SEMA6D: variants seen among roughly 807,000 people sequenced by gnomAD.
The protein encoded by SEMA6D is semaphorin-6D.
SEMA6D carries 35 observed loss-of-function variants against 106.6 expected under a neutral mutation model. The ratio of observed to expected loss-of-function variants is 0.33; its 90% CI spans 0.25 to 0.44. The LOEUF is 0.44. SEMA6D is among the 20% of genes least tolerant of loss of function. The pLI, the probability that SEMA6D is intolerant of heterozygous loss-of-function variation, is 1.00. For synonymous variants in SEMA6D, 499 were observed against 487.7 expected, an observed-to-expected ratio of 1.02 and a Z score of -0.31; for missense variants, 1,185 against 1,345.9, an observed-to-expected ratio of 0.88 and a Z score of 1.87.
intron 1 of SEMA6D, among the ~76,000 whole-genome samples, chr15:47,726,384 C>A (rs2079753699): frequency 6.6e-6 from 1 of 152,224 alleles, no homozygotes; most frequent in South Asian, 2.1e-4. Context: ...GATCAGCATT[C>A]TTTGACGTGA....
intron 1 of SEMA6D, among the ~76,000 whole-genome samples, chr15:47,348,198 T>C (rs926492342): frequency 6.6e-6 from 1 of 152,194 alleles, no homozygotes; most frequent in Non-Finnish European, 1.5e-5. Context: ...CAAATACTGA[T>C]TGTGCTTCAT....
chr15:47,513,129 A>G (rs1285337371), intron 3 of SEMA6D, among the ~76,000 whole-genome samples: 1 of 152,122 alleles, frequency 6.6e-6, no homozygotes, highest in Non-Finnish European at 1.5e-5. Flanking sequence ...TGGGGAAATT[A>G]TGGGGCACAC....
At chr15:47,410,772 T>C (rs1261934325) in intron 1 of SEMA6D, among the ~76,000 whole-genome samples, 2 of 152,138 alleles carry the variant, frequency 1.3e-5, no homozygotes, top group Non-Finnish European at 2.9e-5. Context: ...CCAAAACCTC[T>C]TATGCACACT....
intron 4 of SEMA6D, among the ~76,000 whole-genome samples, chr15:47,667,552 A>G (rs973983669): frequency 1.6e-4 from 24 of 152,348 alleles, no homozygotes; most frequent in African/African-American, 5.5e-4. Context: ...ACAAAATACC[A>G]TGAACTGAGT....
intron 1 of SEMA6D, among the ~76,000 whole-genome samples, chr15:47,410,707 T>C (rs2040764071): frequency 6.6e-6 from 1 of 152,164 alleles, no homozygotes; most frequent in Non-Finnish European, 1.5e-5. Context: ...CCCAGACCTA[T>C]TGATTCAGAA....
At chr15:47,256,373 C>G (rs1385597375) in intron 1 of SEMA6D, among the ~76,000 whole-genome samples, 1 of 152,140 alleles carries the variant, frequency 6.6e-6, no homozygotes, top group Non-Finnish European at 1.5e-5. Flanking sequence ...TGTTCTCTTT[C>G]TTTCATTATC....
chr15:47,570,315 A>G (rs1379434369), intron 3 of SEMA6D, among the ~76,000 whole-genome samples: 1 of 152,126 alleles, frequency 6.6e-6, no homozygotes, highest in Non-Finnish European at 1.5e-5. Flanking sequence ...CACTGCATGT[A>G]GGTGGCCCGC....
At chr15:47,343,873 A>G (rs1195472452) in intron 1 of SEMA6D, among the ~76,000 whole-genome samples, 3 of 152,188 alleles carry the variant, frequency 2.0e-5, no homozygotes, top group Non-Finnish European at 4.4e-5. Context: ...ATCTACAATG[A>G]ACTCAAACAA....
At chr15:47,526,043 G>T (rs2044745154) in intron 3 of SEMA6D, among the ~76,000 whole-genome samples, 1 of 152,180 alleles carries the variant, frequency 6.6e-6, no homozygotes, top group African/African-American at 2.4e-5. Flanking sequence ...ATTTTAGGAA[G>T]TGTAAAAAAG....
chr15:47,721,724 A>G (rs1313364866), intron 1 of SEMA6D, among the ~76,000 whole-genome samples: 1 of 152,208 alleles, frequency 6.6e-6, no homozygotes, highest in Non-Finnish European at 1.5e-5. Context: ...AGGGCGATCA[A>G]ATCAGTGGTC....
At chr15:47,213,945 G>A (rs2030311739) in intron 1 of SEMA6D, among the ~76,000 whole-genome samples, 2 of 151,748 alleles carry the variant, frequency 1.3e-5, no homozygotes, top group South Asian at 2.1e-4. Flanking sequence ...CTTCATTTAC[G>A]TTTTGGTATG....
At chr15:47,477,104 TA>T (rs544246309) in intron 3 of SEMA6D, among the ~76,000 whole-genome samples, 1 of 152,320 alleles carries the variant, frequency 6.6e-6, no homozygotes, top group South Asian at 2.1e-4. Context: ...ACAAACTGGA[TA>T]TTTTTTTAAA....
intron 1 of SEMA6D, among the ~76,000 whole-genome samples, chr15:47,302,409 CAA>C (rs1566983604): frequency 2.0e-5 from 3 of 152,186 alleles, no homozygotes; most frequent in South Asian, 2.1e-4. Context: ...AAGCAAAAAA[CAA>C]GAGAAAAGCA....
At position 47,620,727 on chromosome 15, in the gene SEMA6D, TATTCTTTGTGCAA is replaced by T. The variant is rs746199993; in HGVS notation, c.-55+19834_-55+19846del. Among the ~76,000 whole-genome samples the T allele has an allele frequency of 2.7e-3, 410 of 151,596 alleles. 3 individuals carry two copies. The highest frequency in any genetic ancestry group is 5.1e-3 in the Admixed American group (77 of 15,218). On this transcript the variant is annotated intron_variant, in intron 4 of 19. Transcript: ENST00000558014. ...ATATATATACACACATATATATATA[TATTCTTTGTGCAA>T]ATATTTTATTGTGAGTGTGGGTTTT...
At position 47,551,822 on chromosome 15, in the gene SEMA6D, A is replaced by T. The variant is rs1596302520; in HGVS notation, c.-86-49043A>T. Among the ~76,000 whole-genome samples the T allele has an allele frequency of 1.3e-5, 2 of 152,168 alleles. 1 individual carries two copies. Among genetic ancestry groups the T allele is most frequent in the South Asian group, 4.1e-4 (2 of 4,824 alleles). On this transcript the variant is annotated intron_variant, in intron 3 of 19. Coordinates refer to the SEMA6D transcript ENST00000558014. The stretch of plus-strand genomic sequence containing the variant: ...AGTAAATGCTTTAGAATTATGTATA[A>T]TTTCACTGAAACCATACAAATAAAC...
intron 1 of SEMA6D, among the ~76,000 whole-genome samples, chr15:47,751,035 G>T (rs1439880997): frequency 1.3e-5 from 2 of 152,152 alleles, no homozygotes; most frequent in Non-Finnish European, 2.9e-5. Context: ...CTACTTCGGG[G>T]TCTCCTGGAA....
chr15:47,269,363 A>T (rs1029707900), intron 1 of SEMA6D, among the ~76,000 whole-genome samples: 7 of 152,020 alleles, frequency 4.6e-5, no homozygotes, highest in Non-Finnish European at 7.4e-5. Flanking sequence ...AATGTAGCTC[A>T]TTAAAAAAAA....
intron 4 of SEMA6D, among the ~76,000 whole-genome samples, chr15:47,700,028 C>T (rs368105159): frequency 2.5e-4 from 38 of 152,278 alleles, no homozygotes; most frequent in African/African-American, 8.7e-4. Flanking sequence ...GTACAATTTA[C>T]ATTAGCATCC....
intron 3 of SEMA6D, among the ~76,000 whole-genome samples, chr15:47,497,543 A>G (rs150348633): frequency 5.9e-4 from 90 of 152,154 alleles, no homozygotes; most frequent in Non-Finnish European, 9.7e-4. Flanking sequence ...ACTCCCATAG[A>G]TATGTACTCT....
Sources: gnomAD v4.1 joint callset for allele counts (sites outside exome capture counted in the v4.1 genomes callset) on GRCh38, gnomAD v4.1.1 for gene constraint, MANE v1.5 for transcripts, NCBI Gene and HGNC (gene_info 2026-07-23, HGNC 2026-07-21) for gene names.